SMAP1: variants seen among roughly 807,000 people sequenced by gnomAD.
SMAP1 encodes small ArfGAP 1, also known as stromal membrane-associated protein 1.
Under a neutral mutation model 58.5 loss-of-function variants are expected in SMAP1, and 24 were observed. The observed-to-expected ratio is 0.41, with a 90% CI of 0.30 to 0.58. SMAP1 has a LOEUF of 0.58. SMAP1 is among the 20% of genes least tolerant of loss of function. SMAP1 has a pLI of 0.29. For synonymous variants in SMAP1, 216 were observed against 196.6 expected, an observed-to-expected ratio of 1.10 and a Z score of -0.82; for missense variants, 563 against 566.3, an observed-to-expected ratio of 0.99 and a Z score of 0.06.
chr6:70,777,451 T>A (rs1562153175), intron 4 of SMAP1, among the ~76,000 whole-genome samples: 4 of 150,590 alleles, frequency 2.7e-5, no homozygotes, highest in South Asian at 2.1e-4. Context: ...TGCTTATTTT[T>A]TTATTATTAT....
chr6:70,773,480 T>C (rs1767417634), intron 4 of SMAP1, 55 bp downstream of exon 4: 6 of 945,674 alleles, frequency 6.3e-6, no homozygotes, highest in Non-Finnish European at 9.7e-6. Flanking sequence ...TTCAAACTTT[T>C]AACATGCAAT....
chr6:70,727,266 G>A (rs1472391370), intron 1 of SMAP1, among the ~76,000 whole-genome samples: 2 of 151,998 alleles, frequency 1.3e-5, no homozygotes, highest in Admixed American at 6.6e-5. Context: ...GTACCAACAC[G>A]CCCAGCTAAT....
At chr6:70,839,263 A>G (rs922295763) in intron 7 of SMAP1, among the ~76,000 whole-genome samples, 10 of 152,284 alleles carry the variant, frequency 6.6e-5, no homozygotes, top group Middle Eastern at 6.8e-3. Flanking sequence ...CACTATTGCA[A>G]TATGTGTCTC....
At chr6:70,721,604 A>G (rs142054338) in intron 1 of SMAP1, among the ~76,000 whole-genome samples, 1 of 151,830 alleles carries the variant, frequency 6.6e-6, no homozygotes, top group Non-Finnish European at 1.5e-5. Context: ...GTAACGCCCC[A>G]CTCTCCTGGT....
chr6:70,681,011 C>T (rs995544050), intron 1 of SMAP1, among the ~76,000 whole-genome samples: 7 of 151,856 alleles, frequency 4.6e-5, no homozygotes, highest in African/African-American at 1.5e-4. Context: ...AGCCACTGCG[C>T]CTGGCCATAA....
At chr6:70,792,416 T>C (rs1396526015) in intron 5 of SMAP1, among the ~76,000 whole-genome samples, 5 of 138,802 alleles carry the variant, frequency 3.6e-5, no homozygotes, top group Non-Finnish European at 6.4e-5. Flanking sequence ...ATGGGATAAA[T>C]GATAAATGGT....
Position 70,696,758 on chromosome 6 carries a change from G to A in SMAP1, c.118+28617G>A, listed in dbSNP as rs1467587569. On this transcript the variant is annotated intron_variant, in intron 1 of 10. Coordinates refer to ENST00000370455, the MANE Select transcript of SMAP1 (RefSeq NM_001044305.3). ...TGTTTTGCAGATATCTGTTAGGTCC[G>A]TTTTGGTCTATAGTTCAGATTAAGT... Among the ~76,000 whole-genome samples the A allele has an allele frequency of 3.9e-5, 6 of 152,138 alleles. No homozygotes were observed. The East Asian group carries it at 5.8e-4, about 15-fold the overall frequency.
At chr6:70,781,800 C>A (rs569498762) in intron 4 of SMAP1, among the ~76,000 whole-genome samples, 22 of 152,242 alleles carry the variant, frequency 1.4e-4, no homozygotes, top group Admixed American at 3.9e-4. Context: ...TCACCTTATT[C>A]TTGTAGGTGG....
chr6:70,847,915 GACT>G (rs926637616), intron 7 of SMAP1, among the ~76,000 whole-genome samples: 4 of 152,092 alleles, frequency 2.6e-5, no homozygotes, highest in Non-Finnish European at 5.9e-5. Context: ...GTGTTTGTGT[GACT>G]ACATGTGTGT....
At chr6:70,760,216 C>G (rs1460517237) in intron 3 of SMAP1, among the ~76,000 whole-genome samples, 2 of 151,982 alleles carry the variant, frequency 1.3e-5, no homozygotes, top group Non-Finnish European at 2.9e-5. Context: ...TTTTCATTAC[C>G]TGGTATGATT....
chr6:70,682,211 T>A (rs1581991540), intron 1 of SMAP1, among the ~76,000 whole-genome samples: 1 of 129,054 alleles, frequency 7.7e-6, no homozygotes, highest in Non-Finnish European at 1.6e-5. Flanking sequence ...TTTTTTGAGA[T>A]AGAGTCTCCC....
rs193260930 is a variant in SMAP1 at position 70,777,472 on chromosome 6, C to T, written c.414+4047C>T. Among the ~76,000 whole-genome samples, 7 of 151,866 alleles carry T rather than the reference C, an allele frequency of 4.6e-5. No individual in the cohort carries two copies. The East Asian group carries it at 5.8e-4, about 13-fold the overall frequency. ...TTTTTTTATTATTATTTTTTGCTGT[C>T]GAGTTGTTCGAGTTCCTTGTATATT... On this transcript the variant is annotated intron_variant, in intron 4 of 10. Coordinates refer to ENST00000370455, the MANE Select transcript of SMAP1 (RefSeq NM_001044305.3).
Position 70,860,750 on chromosome 6 carries a change from T to TAATC in SMAP1, c.*418_*421dup. 1 of 400,418 alleles carries TAATC rather than the reference T, an allele frequency of 2.5e-6. No homozygotes were observed. The highest frequency in any genetic ancestry group is 4.4e-6 in the Non-Finnish European group (1 of 226,876). 24.8% of individuals were successfully genotyped at this position (400,418 alleles called of 1,614,324 possible). On this transcript the variant is annotated 3_prime_UTR_variant, in exon 11 of 11. Transcript: ENST00000370455. ...GGAAGGTACTGTATGATCAAATGTT[T>TAATC]AATCATATAAATAGAATGTAAATGT...
rs571305338 is a variant in SMAP1 at position 70,743,799 on chromosome 6, A to C, written c.253-11181A>C. Among the ~76,000 whole-genome samples the C allele has an allele frequency of 4.4e-4, 67 of 152,334 alleles. 1 individual carries two copies. In the South Asian group the frequency reaches 0.012, roughly 28 times the overall value. On this transcript the variant is annotated intron_variant, in intron 2 of 10. Coordinates refer to ENST00000370455, the MANE Select transcript of SMAP1 (RefSeq NM_001044305.3). ...TCAAAGAAGAGCAGAGAATGGGAGC[A>C]GCCTATAGCATTGGGTTATTGTATT...
chr6:70,678,826 C>T (rs899656430), intron 1 of SMAP1, among the ~76,000 whole-genome samples: 1 of 152,138 alleles, frequency 6.6e-6, no homozygotes, highest in Admixed American at 6.5e-5. Context: ...CCCTCCACTT[C>T]CATCATTACA....
chr6:70,818,337 C>T (rs566801731), intron 6 of SMAP1, among the ~76,000 whole-genome samples: 113 of 151,762 alleles, frequency 7.4e-4, no homozygotes, highest in Non-Finnish European at 1.4e-3. Context: ...ACCCAGGAGG[C>T]AGAGGTTGCA....
At chr6:70,692,793 GT>G (rs1767228445) in intron 1 of SMAP1, among the ~76,000 whole-genome samples, 1 of 151,882 alleles carries the variant, frequency 6.6e-6, no homozygotes, top group Admixed American at 6.6e-5. Context: ...ATTTTTTGTT[GT>G]TGTTTTTGAG....
chr6:70,770,885 T>C (rs1382265681), intron 3 of SMAP1, among the ~76,000 whole-genome samples: 1 of 152,190 alleles, frequency 6.6e-6, no homozygotes, highest in African/African-American at 2.4e-5. Flanking sequence ...TGGTTTTATC[T>C]ACTTTTGGTC....
chr6:70,845,809 C>G (rs573966238), intron 7 of SMAP1, among the ~76,000 whole-genome samples: 85 of 152,286 alleles, frequency 5.6e-4, no homozygotes, highest in African/African-American at 2.0e-3. Flanking sequence ...GGTGCCGTGA[C>G]AACAGTGATG....
Sources: allele counts gnomAD v4.1 joint callset (sites outside exome capture counted in the v4.1 genomes callset), GRCh38; gene constraint gnomAD v4.1.1; transcripts MANE v1.5; gene names NCBI Gene and HGNC (gene_info 2026-07-23, HGNC 2026-07-21).